RSPH14: variants seen among roughly 807,000 people sequenced by gnomAD.
RSPH14 encodes radial spoke head 14 homolog, also known as rhabdoid tumor deletion region gene 1.
Under a neutral mutation model 26.7 loss-of-function variants are expected in RSPH14, and 20 were observed. The observed-to-expected ratio is 0.75, with a 90% CI of 0.53 to 1.09. RSPH14 has a LOEUF of 1.09. Ranked by LOEUF, RSPH14 falls within the 50% of genes least tolerant of loss-of-function variation. The pLI is 0.00. For missense variants in RSPH14, 449 were observed against 457.2 expected, an observed-to-expected ratio of 0.98 and a Z score of 0.16; for synonymous variants, 177 against 189.3, an observed-to-expected ratio of 0.93 and a Z score of 0.53.
At chr22:23,117,887 C>G (rs529302635) in intron 4 of RSPH14, among the ~76,000 whole-genome samples, 9 of 152,314 alleles carry the variant, frequency 5.9e-5, no homozygotes, top group African/African-American at 1.9e-4. Context: ...CTCACCACCC[C>G]CACAACTAAC....
intron 4 of RSPH14, among the ~76,000 whole-genome samples, chr22:23,109,956 A>G (rs143590289): frequency 6.6e-6 from 1 of 152,294 alleles, no homozygotes; most frequent in African/African-American, 2.4e-5. Flanking sequence ...GACAGACAGG[A>G]GCTCACTGAG....
At chr22:23,100,921 G>A (rs1012214813) in intron 4 of RSPH14, among the ~76,000 whole-genome samples, 7 of 152,316 alleles carry the variant, frequency 4.6e-5, no homozygotes, top group South Asian at 2.1e-4. Flanking sequence ...CCACCCTAGC[G>A]CTGTGGTTTA....
At chr22:23,152,740 G>A in the RSPH14 span, among the ~76,000 whole-genome samples, 1 of 152,188 alleles carries the variant, frequency 6.6e-6, no homozygotes, top group Non-Finnish European at 1.5e-5. Flanking sequence ...GGAGCCTGGC[G>A]CTTGTCAGAC....
At chr22:23,175,353 T>C in the RSPH14 span, among the ~76,000 whole-genome samples, 1 of 150,322 alleles carries the variant, frequency 6.7e-6, no homozygotes, top group South Asian at 2.1e-4. Context: ...TGTTTGTTTG[T>C]TTTTTCTTGA....
chr22:23,104,091 A>G (rs934003825), intron 4 of RSPH14, among the ~76,000 whole-genome samples: 3 of 151,792 alleles, frequency 2.0e-5, no homozygotes, highest in Non-Finnish European at 4.4e-5. Flanking sequence ...GACCTTGCAG[A>G]ATCCAGTCAA....
chr22:23,157,282 G>A, the RSPH14 span, among the ~76,000 whole-genome samples: 6 of 150,178 alleles, frequency 4.0e-5, no homozygotes, highest in African/African-American at 7.4e-5. Flanking sequence ...CCTGAGTCTC[G>A]CTTTGTAGCC....
chr22:23,108,074 C>G (rs2069535866), intron 4 of RSPH14, among the ~76,000 whole-genome samples: 1 of 152,206 alleles, frequency 6.6e-6, no homozygotes, highest in African/African-American at 2.4e-5. Flanking sequence ...CCTGATCCAG[C>G]CCATCTGTGG....
intron 4 of RSPH14, among the ~76,000 whole-genome samples, chr22:23,065,599 G>C (rs1024358765): frequency 8.5e-5 from 11 of 128,966 alleles, no homozygotes; most frequent in Non-Finnish European, 1.4e-4. Context: ...TTTCCAATCT[G>C]TGTGACCTTG....
chr22:23,172,290 C>A, the RSPH14 span, among the ~76,000 whole-genome samples: 1 of 151,806 alleles, frequency 6.6e-6, no homozygotes, highest in Non-Finnish European at 1.5e-5. Context: ...TGATGGTGCG[C>A]GTATAGTCCC....
rs201564698 is a variant in RSPH14 at position 23,123,494 on chromosome 22, T to C, written c.421+10532A>G. ...CCACGGGGTGTCATGCCCCAACGCG[T>C]GCTAGAGAGGCCCAATCCAGGGGCA... On this transcript the variant is annotated intron_variant, in intron 4 of 6. Transcript: ENST00000216036. 460 of 1,096,884 alleles carry C rather than the reference T, an allele frequency of 4.2e-4. 5 individuals carry two copies. The East Asian group carries it at 0.012, about 27-fold the overall frequency. 67.9% of individuals were successfully genotyped at this position (1,096,884 alleles called of 1,614,324 possible). A position where few individuals can be genotyped will look rare whatever the true frequency, so the allele number is the denominator to read the frequency against.
chr22:23,118,764 T>G (rs2069926171), intron 4 of RSPH14, among the ~76,000 whole-genome samples: 1 of 152,196 alleles, frequency 6.6e-6, no homozygotes, highest in Non-Finnish European at 1.5e-5. Flanking sequence ...CAGGGCCACA[T>G]GACTCCAAAG....
At chr22:23,072,474 T>C (rs528995715) in intron 4 of RSPH14, among the ~76,000 whole-genome samples, 43 of 152,314 alleles carry the variant, frequency 2.8e-4, no homozygotes, top group Admixed American at 1.6e-3. Flanking sequence ...TTTCTCCCCC[T>C]CGGAAATTGG....
chr22:23,074,136 A>T (rs2068448331), intron 4 of RSPH14, among the ~76,000 whole-genome samples: 1 of 152,152 alleles, frequency 6.6e-6, no homozygotes, highest in Non-Finnish European at 1.5e-5. Flanking sequence ...ATGAGGCAGG[A>T]AGACCTTGGC....
At chr22:23,113,216 ACAGCTGGGGCCC>A (rs542136738) in intron 4 of RSPH14, among the ~76,000 whole-genome samples, 1 of 152,324 alleles carries the variant, frequency 6.6e-6, no homozygotes, top group Admixed American at 6.5e-5. Context: ...CATCTTTACA[ACAGCTGGGGCCC>A]CAGCGCCACC....
intron 4 of RSPH14, among the ~76,000 whole-genome samples, chr22:23,087,191 C>G (rs945296528): frequency 2.0e-5 from 3 of 152,162 alleles, no homozygotes; most frequent in Admixed American, 6.5e-5. Flanking sequence ...ATAGAATGAG[C>G]ATGGTGGCTC....
the RSPH14 span, among the ~76,000 whole-genome samples, chr22:23,170,569 T>TG: frequency 0.3 from 45,729 of 150,136 alleles, 7,160 homozygotes; most frequent in African/African-American, 0.39. Flanking sequence ...GGCAACATGG[T>TG]GAAAAAAAAA....
At chr22:23,135,144 A>G (rs2070443295) in intron 3 of RSPH14, among the ~76,000 whole-genome samples, 1 of 152,002 alleles carries the variant, frequency 6.6e-6, no homozygotes, top group African/African-American at 2.4e-5. Flanking sequence ...AAACTCCAGC[A>G]TGGATGACAG....
intron 4 of RSPH14, among the ~76,000 whole-genome samples, chr22:23,130,643 C>A (rs2070344265): frequency 6.6e-6 from 1 of 152,022 alleles, no homozygotes. Flanking sequence ...ATGTAGGTAA[C>A]CGACAAAGGG....
chr22:23,092,398 A>G (rs1020435793), intron 4 of RSPH14, among the ~76,000 whole-genome samples: 15 of 152,050 alleles, frequency 9.9e-5, no homozygotes, highest in African/African-American at 3.4e-4. Context: ...ATACCCCCAA[A>G]CACAACACAG....
Sources: gnomAD v4.1 joint callset for allele counts (sites outside exome capture counted in the v4.1 genomes callset) on GRCh38, gnomAD v4.1.1 for gene constraint, MANE v1.5 for transcripts, NCBI Gene and HGNC (gene_info 2026-07-23, HGNC 2026-07-21) for gene names.